Variants in CHSY3 observed in about 807,000 individuals in gnomAD.
CHSY3 encodes N-acetylgalactosaminyl-proteoglycan 3-beta-glucuronosyltransferase 3.
In CHSY3, 35 loss-of-function variants were observed where a neutral mutation model predicts 67.2. That is an observed-to-expected ratio of 0.52 (90% CI 0.40 to 0.69). CHSY3 has a LOEUF of 0.69. CHSY3 is among the 30% of genes least tolerant of loss of function. The pLI, the probability that CHSY3 is intolerant of heterozygous loss-of-function variation, is 0.00. For missense variants in CHSY3, 1,069 were observed against 1,138.5 expected (o/e 0.94, Z 0.88); for synonymous variants, 474 against 434.7 (o/e 1.09, Z -1.12).
intron 2 of CHSY3, among the ~76,000 whole-genome samples, chr5:130,104,093 G>T (rs914127552): frequency 1.3e-5 from 2 of 151,548 alleles, no homozygotes; most frequent in African/African-American, 4.8e-5. Flanking sequence ...TAGTTTTTTG[G>T]CATGTTTATA....
At chr5:130,178,688 A>C (rs904012646) in intron 2 of CHSY3, among the ~76,000 whole-genome samples, 1 of 152,162 alleles carries the variant, frequency 6.6e-6, no homozygotes, top group Non-Finnish European at 1.5e-5. Context: ...AAACTGCTCA[A>C]GATTGAGCAT....
intron 2 of CHSY3, among the ~76,000 whole-genome samples, chr5:130,118,499 G>C (rs967911653): frequency 6.7e-6 from 1 of 148,838 alleles, no homozygotes; most frequent in Non-Finnish European, 1.5e-5. Flanking sequence ...ATGTGTGTGT[G>C]TGTATATATA....
At chr5:129,944,664 A>G (rs1761799858) in intron 2 of CHSY3, among the ~76,000 whole-genome samples, 1 of 152,124 alleles carries the variant, frequency 6.6e-6, no homozygotes, top group Non-Finnish European at 1.5e-5. Flanking sequence ...TGAACTGTTG[A>G]CCACAGATAT....
At chr5:130,013,014 CA>C (rs1764112722) in intron 2 of CHSY3, among the ~76,000 whole-genome samples, 1 of 151,656 alleles carries the variant, frequency 6.6e-6, no homozygotes, top group Non-Finnish European at 1.5e-5. Flanking sequence ...TGGGTAAATG[CA>C]CCCATTCCAA....
intron 2 of CHSY3, among the ~76,000 whole-genome samples, chr5:130,054,285 A>C (rs528300728): frequency 2.6e-4 from 39 of 152,308 alleles, no homozygotes; most frequent in African/African-American, 9.4e-4. Flanking sequence ...TATTATGGAT[A>C]TAGCCTCCTA....
chr5:129,932,138 A>ATG lies in CHSY3; in HGVS notation c.1086+23779_1086+23780insGT, dbSNP rs1385159841. Among the ~76,000 whole-genome samples, 287 of 109,050 alleles carry ATG rather than the reference A, an allele frequency of 2.6e-3. 1 individual carries two copies. Among genetic ancestry groups the ATG allele is most frequent in the African/African-American group, 8.5e-3 (270 of 31,596 alleles). 71.5% of individuals were successfully genotyped at this position (109,050 alleles called of 152,430 possible). On this transcript the variant is annotated intron_variant, in intron 2 of 2. Coordinates refer to ENST00000305031, the MANE Select transcript of CHSY3 (RefSeq NM_175856.5). ...TATATATATATATATATATATATAT[A>ATG]TATATGTATATGAGAGTTAGCTATC...
At chr5:130,111,224 T>C (rs1561541162) in intron 2 of CHSY3, among the ~76,000 whole-genome samples, 1 of 152,102 alleles carries the variant, frequency 6.6e-6, no homozygotes, top group Non-Finnish European at 1.5e-5. Context: ...TGAAAACTGA[T>C]TAACATTAAA....
intron 2 of CHSY3, among the ~76,000 whole-genome samples, chr5:129,934,614 G>A (rs1433022427): frequency 3.3e-5 from 5 of 152,104 alleles, no homozygotes; most frequent in African/African-American, 7.2e-5. Context: ...TTAGGAGGAA[G>A]CTTTTGTTTG....
intron 2 of CHSY3, among the ~76,000 whole-genome samples, chr5:130,157,653 C>G (rs569316636): frequency 6.6e-6 from 1 of 152,304 alleles, no homozygotes; most frequent in Admixed American, 6.5e-5. Flanking sequence ...AAAGGGCTCC[C>G]GATCCAGACC....
In CHSY3 at chr5:130,108,549, A is replaced by G. The variant is rs190093068; in HGVS notation, c.1087-75680A>G. On this transcript the variant is annotated intron_variant, in intron 2 of 2. Coordinates refer to ENST00000305031, the MANE Select transcript of CHSY3 (RefSeq NM_175856.5). ...AATGGTAGAAAAATGCAAAACTGAC[A>G]ATCATTTGGATTGTAATGCTTTGTC... Among the ~76,000 whole-genome samples, 563 of 151,852 alleles carry G rather than the reference A, an allele frequency of 3.7e-3. 2 individuals are homozygous for G. The highest frequency in any genetic ancestry group is 6.1e-3 in the Non-Finnish European group (413 of 67,694).
chr5:130,108,994 T>C (rs1395952297), intron 2 of CHSY3, among the ~76,000 whole-genome samples: 1 of 151,704 alleles, frequency 6.6e-6, no homozygotes, highest in African/African-American at 2.4e-5. Flanking sequence ...TATGAAGACA[T>C]ATGAAGCCCT....
intron 2 of CHSY3, among the ~76,000 whole-genome samples, chr5:130,095,172 A>G (rs1265893425): frequency 6.6e-6 from 1 of 152,226 alleles, no homozygotes; most frequent in Non-Finnish European, 1.5e-5. Context: ...ATGAGTTAAT[A>G]TACATACCTA....
rs201212820 is a variant in CHSY3 at position 130,153,836 on chromosome 5, A to AT, written c.1087-30385dup. Among the ~76,000 whole-genome samples the AT allele has an allele frequency of 8.7e-4, 132 of 151,314 alleles. 1 individual carries two copies. The East Asian group carries it at 0.021, about 24-fold the overall frequency. On this transcript the variant is annotated intron_variant, in intron 2 of 2. Transcript: ENST00000305031. ...TGTTTTTCGTTTTTTTGTTTGTTTT[A>AT]TTTTTTTTCTGTAATCATTACGTAA...
intron 2 of CHSY3, among the ~76,000 whole-genome samples, chr5:130,102,299 A>G (rs552825705): frequency 3.3e-5 from 5 of 152,240 alleles, no homozygotes; most frequent in African/African-American, 1.2e-4. Flanking sequence ...ACTAATTTTG[A>G]AAGAGGATAT....
At position 130,115,843 on chromosome 5, in the gene CHSY3, G is replaced by T. The variant is rs545004093; in HGVS notation, c.1087-68386G>T. Among the ~76,000 whole-genome samples the T allele has an allele frequency of 3.3e-5, 5 of 152,300 alleles. No individual in the cohort carries two copies. The East Asian group carries it at 9.7e-4, about 29-fold the overall frequency. The stretch of plus-strand genomic sequence containing the variant: ...CAGAGCTTTTCTTGTGAATGGCAGT[G>T]TTCTGTATTCTTCTTCCAGACTAGC... On this transcript the variant is annotated intron_variant, in intron 2 of 2. Coordinates refer to ENST00000305031, the MANE Select transcript of CHSY3 (RefSeq NM_175856.5).
At chr5:130,015,017 T>G (rs1191893781) in intron 2 of CHSY3, among the ~76,000 whole-genome samples, 2 of 152,196 alleles carry the variant, frequency 1.3e-5, no homozygotes, top group Non-Finnish European at 2.9e-5. Context: ...GGCTCTGTAC[T>G]CAAATCTCAT....
At chr5:130,153,182 T>G (rs1769278149) in intron 2 of CHSY3, among the ~76,000 whole-genome samples, 2 of 151,770 alleles carry the variant, frequency 1.3e-5, no homozygotes, top group African/African-American at 4.8e-5. Context: ...AGTGAGGCAG[T>G]GAGCAGAGAT....
At chr5:130,089,454 A>C (rs898845453) in intron 2 of CHSY3, among the ~76,000 whole-genome samples, 5 of 152,150 alleles carry the variant, frequency 3.3e-5, no homozygotes, top group Non-Finnish European at 7.4e-5. Flanking sequence ...ATTAAGCATC[A>C]AGTAACCAAA....
At chr5:130,102,649 TA>T in intron 2 of CHSY3, among the ~76,000 whole-genome samples, 1 of 152,096 alleles carries the variant, frequency 6.6e-6, no homozygotes, top group African/African-American at 2.4e-5. Flanking sequence ...CTGCTAGGTA[TA>T]AGAGCATGAT....
Sources: gnomAD v4.1 joint callset for allele counts (sites outside exome capture counted in the v4.1 genomes callset) on GRCh38, gnomAD v4.1.1 for gene constraint, MANE v1.5 for transcripts, NCBI Gene and HGNC (gene_info 2026-07-23, HGNC 2026-07-21) for gene names.